The following IRAG2 variants were observed in gnomAD, a reference collection of about 807,000 sequenced individuals.
The protein encoded by IRAG2 is inositol 1,4,5-triphosphate receptor associated 2.
Under a neutral mutation model 69.9 loss-of-function variants are expected in IRAG2, and 45 were observed. That is an observed-to-expected ratio of 0.64 (90% CI 0.51 to 0.83). The LOEUF (loss-of-function observed/expected upper bound fraction) is 0.83, where lower values mean the gene tolerates loss of function less well. Ranked by LOEUF, IRAG2 falls within the 40% of genes least tolerant of loss-of-function variation. The pLI is 0.00. For missense variants in IRAG2, 520 were observed against 587.0 expected (o/e 0.89, Z 1.18); for synonymous variants, 193 against 202.4 (o/e 0.95, Z 0.40).
At chr12:25,016,415 AATG>A (rs1944529174) in intron 5 of IRAG2, among the ~76,000 whole-genome samples, 2 of 152,178 alleles carry the variant, frequency 1.3e-5, no homozygotes, top group Admixed American at 1.3e-4. Context: ...TTCAGACTAC[AATG>A]ATAAGACTCT....
chr12:25,102,527 TC>T (rs1948815481), intron 17 of IRAG2: 1 of 387,110 alleles, frequency 2.6e-6, no homozygotes, highest in Non-Finnish European at 4.7e-6. Context: ...CTTCACAAGA[TC>T]CTGAGGGATC....
intron 16 of IRAG2, among the ~76,000 whole-genome samples, chr12:25,041,174 G>T (rs908495373): frequency 6.6e-6 from 1 of 152,092 alleles, no homozygotes; most frequent in Non-Finnish European, 1.5e-5. Context: ...GCAGCAAGAA[G>T]CCGCCATGGC....
rs147247014 is a variant in IRAG2 at position 25,100,349 on chromosome 12, T to C, written c.742-829T>C. Among the ~76,000 whole-genome samples, 344 of 152,242 alleles carry C rather than the reference T, an allele frequency of 2.3e-3. 2 individuals are homozygous for C. The highest frequency in any genetic ancestry group is 4.2e-3 in the Non-Finnish European group (287 of 68,006). ...AACAGTTTGGTGGATCCTTAAAAGTTAAACATAGAATTACCATATGACTCA... is the reference window on the plus strand; with the variant it reads ...AACAGTTTGGTGGATCCTTAAAAGTCAAACATAGAATTACCATATGACTCA... On this transcript the variant is annotated intron_variant, in intron 15 of 21. Coordinates refer to ENST00000556887, the MANE Select transcript of IRAG2 (RefSeq NM_001366544.2).
chr12:25,005,269 A>G (rs1157974562), exon 2 of IRAG2: 7 of 1,230,530 alleles, frequency 5.7e-6, no homozygotes, highest in Non-Finnish European at 7.1e-6. Flanking sequence ...ATGATGGTAA[A>G]GAAGATGTAA....
rs75772511 is a variant in IRAG2 at position 25,035,715 on chromosome 12, T to C, written c.1806T>C (p.Asp602=). The change falls in exon 14 of 39, where the codon GAT becomes GAC. Residue 602 remains aspartate, a synonymous_variant. Coordinates refer to the IRAG2 transcript ENST00000636465. ...TGTCATCTCTGGACGCCATGATGGATCAGGAAATGCTGCTATTACTAAGAG... is the reference window on the plus strand; with the variant it reads ...TGTCATCTCTGGACGCCATGATGGACCAGGAAATGCTGCTATTACTAAGAG... 7.0e-4 allele frequency: 281 copies of C among 398,980 alleles called. 1 individual carries two copies. In the East Asian group the frequency reaches 9.3e-3, roughly 13 times the overall value. 24.7% of individuals were successfully genotyped at this position (398,980 alleles called of 1,614,324 possible).
chr12:25,016,776 G>A (rs528427441), intron 5 of IRAG2, among the ~76,000 whole-genome samples: 3 of 150,458 alleles, frequency 2.0e-5, no homozygotes, highest in Admixed American at 6.6e-5. Context: ...AAAGAATATT[G>A]TGTCCATTTA....
At chr12:25,098,101 G>C (rs1234578636) in intron 15 of IRAG2, among the ~76,000 whole-genome samples, 2 of 152,034 alleles carry the variant, frequency 1.3e-5, no homozygotes, top group Non-Finnish European at 2.9e-5. Context: ...TCACTACCTT[G>C]CATGTCCCCT....
Position 25,108,023 on chromosome 12 carries a change from T to C in IRAG2, c.1463T>C (p.Phe488Ser). 1 of 1,614,094 alleles carries C rather than the reference T, an allele frequency of 6.2e-7. No individual in the cohort carries two copies. Among genetic ancestry groups the C allele is most frequent in the Non-Finnish European group, 8.5e-7 (1 of 1,179,996 alleles). Residue 488 changes from phenylalanine (F) to serine (S), a missense_variant, in exon 22 of 22, where the codon TTT (phenylalanine) becomes TCT (serine). By Grantham distance (155) the Phe-to-Ser change is radical (BLOSUM62 -2). Transcript: ENST00000556887. ...TCTCTAGAACATATCTTGTGGCCAT[T>C]TACCAGACTCCGACACAATGGGCCA... ...WTSLEHILWP[F>S]TRLRHNGPPP...
intron 6 of IRAG2, among the ~76,000 whole-genome samples, 189 bp downstream of exon 6, chr12:25,069,620 A>G (rs1946197021): frequency 6.6e-6 from 1 of 152,234 alleles, no homozygotes; most frequent in Non-Finnish European, 1.5e-5. Context: ...AGAAATTAAA[A>G]TTATTTAATA....
chr12:25,106,523 CAG>C (rs1402614231), intron 20 of IRAG2, among the ~76,000 whole-genome samples: 1 of 38,926 alleles, frequency 2.6e-5, no homozygotes, highest in African/African-American at 8.0e-5. Flanking sequence ...GCCTAGGCAA[CAG>C]AGTTTCTTCT....
rs898207760 is a variant in IRAG2, at chr12:25,076,067, T to A, written c.25-3177T>A. On this transcript the variant is annotated intron_variant, in intron 6 of 21. Coordinates refer to ENST00000556887, the MANE Select transcript of IRAG2 (RefSeq NM_001366544.2). ...CTTTCATGAACTGTTGTCCTAAATTTGAAACCAGATCAAAAAAAAAATCTT... is the reference window on the plus strand; with the variant it reads ...CTTTCATGAACTGTTGTCCTAAATTAGAAACCAGATCAAAAAAAAAATCTT... 4.6e-5 allele frequency among the ~76,000 whole-genome samples: 7 copies of A among 151,572 alleles called. No individual in the cohort carries two copies. The Admixed American group carries it at 4.7e-4, about 10-fold the overall frequency.
chr12:25,028,841 T>C (rs1416039507), intron 9 of IRAG2, among the ~76,000 whole-genome samples: 1 of 152,210 alleles, frequency 6.6e-6, no homozygotes, highest in Non-Finnish European at 1.5e-5. Context: ...CATATATATG[T>C]AAAACAACAG....
At chr12:25,065,106 G>A (rs904939002) in intron 4 of IRAG2, among the ~76,000 whole-genome samples, 3 of 151,354 alleles carry the variant, frequency 2.0e-5, no homozygotes, top group African/African-American at 7.3e-5. Context: ...AAAAAAGAGA[G>A]AGAGAAAGAA....
Position 25,106,798 on chromosome 12 carries a change from TAG to T in IRAG2, c.1149-142_1149-141del, listed in dbSNP as rs759896731. The stretch of plus-strand genomic sequence containing the variant: ...ATTATAAATCTGGTGATTTGATTTT[TAG>T]AGTTAGATATTTATCGACTTTCCCT... On this transcript the variant is annotated intron_variant, in intron 20 of 21. Coordinates refer to ENST00000556887, the MANE Select transcript of IRAG2 (RefSeq NM_001366544.2). 3.2e-4 allele frequency: 115 copies of T among 356,406 alleles called. 1 individual carries two copies. Among genetic ancestry groups the T allele is most frequent in the African/African-American group, 2.3e-3 (110 of 47,166 alleles). 22.1% of individuals were successfully genotyped at this position (356,406 alleles called of 1,614,324 possible). A position where few individuals can be genotyped will look rare whatever the true frequency, so the allele number is the denominator to read the frequency against.
Position 25,043,669 on chromosome 12 carries a change from T to C in IRAG2, c.2144+5532T>C, listed in dbSNP as rs1944769003. Among the ~76,000 whole-genome samples, 3 of 152,148 alleles carry C rather than the reference T, an allele frequency of 2.0e-5. No homozygotes were observed. The South Asian group carries it at 6.2e-4, about 31-fold the overall frequency. On this transcript the variant is annotated intron_variant, in intron 16 of 38. Transcript: ENST00000636465. ...GCCTGGGGGCTGCTAGAAACAAAAA[T>C]GGTGGTTTGGATTAGTGTGAGTGTT...
intron 8 of IRAG2, 43 bp downstream of exon 8, chr12:25,079,505 T>TA: frequency 6.5e-7 from 1 of 1,544,588 alleles, no homozygotes; most frequent in South Asian, 1.1e-5. Flanking sequence ...CTGTTAGTAT[T>TA]ACAGCTTTCA....
intron 1 of IRAG2, among the ~76,000 whole-genome samples, chr12:25,058,511 C>G (rs553648781): frequency 6.6e-6 from 1 of 152,072 alleles, no homozygotes; most frequent in East Asian, 1.9e-4. Flanking sequence ...TTTAATGAAC[C>G]CTGATATTTT....
intron 12 of IRAG2, 29 bp from the exon 13 acceptor site, chr12:25,089,734 T>G: frequency 1.2e-6 from 2 of 1,613,012 alleles, no homozygotes; most frequent in Non-Finnish European, 1.7e-6. Flanking sequence ...TGGATTATGT[T>G]TAAATATGTT....
chr12:25,090,761 T>C, intron 14 of IRAG2: 1 of 432,146 alleles, frequency 2.3e-6, no homozygotes, highest in South Asian at 1.7e-5. Flanking sequence ...AAAAATGTCT[T>C]TTTAAAGTAG....
Sources: allele counts gnomAD v4.1 joint callset (sites outside exome capture counted in the v4.1 genomes callset), GRCh38; gene constraint gnomAD v4.1.1; transcripts MANE v1.5; gene names NCBI Gene and HGNC (gene_info 2026-07-23, HGNC 2026-07-21).